The following SEC14L2 variants were observed in gnomAD, a reference collection of about 807,000 sequenced individuals.
SEC14L2 encodes SEC14 like lipid binding 2, also known as SEC14-like protein 2.
In SEC14L2, 50 loss-of-function variants were observed where a neutral mutation model predicts 56.9. That is an observed-to-expected ratio of 0.88 (90% CI 0.70 to 1.11). The LOEUF (loss-of-function observed/expected upper bound fraction) is 1.11. SEC14L2 is among the 50% of genes most tolerant of loss of function. SEC14L2 has a pLI of 0.00. For missense variants in SEC14L2, 414 were observed against 500.7 expected, an observed-to-expected ratio of 0.83 and a Z score of 1.65; for synonymous variants, 179 against 188.5, an observed-to-expected ratio of 0.95 and a Z score of 0.41.
chr22:30,421,386 C>T (rs1345529645), intron 11 of SEC14L2: 1 of 152,228 alleles, frequency 6.6e-6, no homozygotes, highest in Non-Finnish European at 1.5e-5. Flanking sequence ...AAAAAAGTTA[C>T]AAACTGTTTA....
intron 8 of SEC14L2, among the ~76,000 whole-genome samples, chr22:30,411,367 T>A (rs1278201282): frequency 6.6e-6 from 1 of 152,006 alleles, no homozygotes; most frequent in African/African-American, 2.4e-5. Context: ...TTGCTTTCAG[T>A]TGGGGAAAAC....
At chr22:30,407,261 C>G in intron 4 of SEC14L2, 107 bp downstream of exon 4, 1 of 1,452,572 alleles carries the variant, frequency 6.9e-7, no homozygotes, top group Non-Finnish European at 9.6e-7. Flanking sequence ...TCTGACAATG[C>G]CCACTGAGCC....
In SEC14L2 at chr22:30,407,537, C is replaced by T. The variant is rs1934130617; in HGVS notation, c.357C>T (p.Asp119=). The change falls in exon 5 of 12, where the codon GAC becomes GAT. Residue 119 remains aspartate, a synonymous_variant. Transcript: ENST00000615189. The part of the protein sequence containing the change: ...KGLLFSASKQ[D]LLRTKMRECE... ...TGCTGTTCTCAGCCTCCAAACAGGA[C>T]CTGCTGAGGACCAAGATGCGGGAGT... is the stretch of plus-strand genomic sequence containing the variant. The T allele has an allele frequency of 6.2e-7, 1 of 1,613,996 alleles. No homozygotes were observed. Among genetic ancestry groups the T allele is most frequent in the African/African-American group, 1.3e-5 (1 of 74,902 alleles).
intron 2 of SEC14L2, among the ~76,000 whole-genome samples, chr22:30,405,200 C>T (rs1383586015): frequency 1.3e-5 from 2 of 152,092 alleles, no homozygotes; most frequent in Non-Finnish European, 2.9e-5. Context: ...TTTGCATGGA[C>T]TTCAGACCAA....
intron 1 of SEC14L2, 26 bp downstream of exon 1, chr22:30,397,196 C>G (rs550992214): frequency 6.7e-7 from 1 of 1,503,592 alleles, no homozygotes; most frequent in African/African-American, 1.4e-5. Context: ...GGCCCGGGCT[C>G]CCGCCTCGGG....
rs553882012 is a variant in SEC14L2, at chr22:30,423,666, G to C, written c.*1259G>C. 2.0e-5 allele frequency: 3 copies of C among 152,436 alleles called. No individual in the cohort carries two copies. Among genetic ancestry groups the C allele is most frequent in the Admixed American group, 6.5e-5 (1 of 15,292 alleles). The allele number at this position is 152,436 out of a possible 1,614,324, so 9.4% of individuals were successfully genotyped here. Reference sequence around the variant, plus strand: ...TCCCTCAGAGCCAGGCCCCGGCCCCGTCTGGGAAGCTCATCTTGCGAAGCT... The same window carrying C: ...TCCCTCAGAGCCAGGCCCCGGCCCCCTCTGGGAAGCTCATCTTGCGAAGCT... On this transcript the variant is annotated 3_prime_UTR_variant, in exon 12 of 12. Transcript: ENST00000615189.
chr22:30,407,394 C>A, intron 4 of SEC14L2, 21 bp from the exon 5 acceptor site: 1 of 1,608,030 alleles, frequency 6.2e-7, no homozygotes. Flanking sequence ...GACCAGGTGG[C>A]TCCTCTGTGT....
intron 11 of SEC14L2, chr22:30,416,726 G>C (rs1055281356): frequency 1.2e-5 from 16 of 1,354,008 alleles, no homozygotes; most frequent in Non-Finnish European, 1.4e-5. Flanking sequence ...GATATTTCTT[G>C]GGGATGCTCC....
intron 11 of SEC14L2, among the ~76,000 whole-genome samples, chr22:30,418,802 C>CA (rs1254043415): frequency 6.6e-6 from 1 of 152,204 alleles, no homozygotes; most frequent in Non-Finnish European, 1.5e-5. Context: ...TGCGGGAGGG[C>CA]AATGCCCTTG....
intron 11 of SEC14L2, chr22:30,416,724 T>C: frequency 2.2e-6 from 3 of 1,356,128 alleles, no homozygotes; most frequent in Non-Finnish European, 2.8e-6. Flanking sequence ...CAGATATTTC[T>C]TGGGGATGCT....
Position 30,424,437 on chromosome 22 carries a change from G to A in SEC14L2, c.*2030G>A. On this transcript the variant is annotated 3_prime_UTR_variant, in exon 12 of 12. Transcript: ENST00000615189. ...CAGAGGCGCCTAGGGCTGAAAGCGG[G>A]GGCCTCCGTAGGGAGCCAGCGGGGG... The A allele has an allele frequency of 3.0e-6, 1 of 338,722 alleles. No homozygotes were observed. Among genetic ancestry groups the A allele is most frequent in the Non-Finnish European group, 5.8e-6 (1 of 172,908 alleles). 21.0% of individuals were successfully genotyped at this position (338,722 alleles called of 1,614,324 possible).
intron 3 of SEC14L2, among the ~76,000 whole-genome samples, chr22:30,406,753 AT>A (rs1934106008): frequency 6.6e-6 from 1 of 151,134 alleles, no homozygotes; most frequent in South Asian, 2.1e-4. Flanking sequence ...TTTCTTTTTT[AT>A]TTTTTTCTTT....
At chr22:30,408,412 C>CAA (rs1934157143) in intron 5 of SEC14L2, among the ~76,000 whole-genome samples, 1 of 151,970 alleles carries the variant, frequency 6.6e-6, no homozygotes, top group South Asian at 2.1e-4. Context: ...GGCAACATGG[C>CAA]AAGAGCCTGT....
intron 2 of SEC14L2, 54 bp downstream of exon 2, chr22:30,399,772 G>C (rs1933874251): frequency 2.0e-6 from 3 of 1,496,980 alleles, no homozygotes; most frequent in Non-Finnish European, 2.8e-6. Flanking sequence ...CTGGGCAACA[G>C]AATAGCACCC....
chr22:30,398,740 C>T (rs761630760), intron 1 of SEC14L2: 1 of 471,350 alleles, frequency 2.1e-6, no homozygotes, highest in South Asian at 1.5e-5. Context: ...CCCTCTGCTC[C>T]CCAGCAAACT....
intron 2 of SEC14L2, among the ~76,000 whole-genome samples, chr22:30,405,231 C>T (rs1481402587): frequency 6.6e-5 from 10 of 152,090 alleles, no homozygotes; most frequent in Non-Finnish European, 4.4e-5. Context: ...TTCGTAAAGT[C>T]TCTAAGGATG....
Position 30,422,710 on chromosome 22 carries a change from CAG to C in SEC14L2, c.*304_*305del, listed in dbSNP as rs1934553439. ...TGGGGGTGGCGGGGGGCATGTACCACAGGGTGGCAGCAGGGAAAAAAATTAGA... is the reference window on the plus strand; with the variant it reads ...TGGGGGTGGCGGGGGGCATGTACCACGGTGGCAGCAGGGAAAAAAATTAGA... On this transcript the variant is annotated 3_prime_UTR_variant, in exon 12 of 12. Coordinates refer to ENST00000615189, the MANE Select transcript of SEC14L2 (RefSeq NM_012429.5). 1.1e-5 allele frequency: 3 copies of C among 270,912 alleles called. No homozygotes were observed. In the Admixed American group the frequency reaches 1.5e-4, roughly 14 times the overall value. 16.8% of individuals were successfully genotyped at this position (270,912 alleles called of 1,614,324 possible).
chr22:30,417,564 G>GA (rs752474707), intron 11 of SEC14L2, among the ~76,000 whole-genome samples: 1 of 10,392 alleles, frequency 9.6e-5, no homozygotes, highest in Non-Finnish European at 1.7e-4. Context: ...CTGCTACACT[G>GA]GGGTATCTCA....
rs754799440 is a variant in SEC14L2 at position 30,407,534 on chromosome 22, G to T, written c.354G>T (p.Gln118His). 5.0e-6 allele frequency: 8 copies of T among 1,614,118 alleles called. No individual in the cohort carries two copies. The highest frequency in any genetic ancestry group is 6.8e-6 in the Non-Finnish European group (8 of 1,180,008). The change falls in exon 5 of 12, where the codon CAG (glutamine) becomes CAT (histidine). Residue 118 changes from glutamine (Q) to histidine (H), a missense_variant. Coordinates refer to ENST00000615189, the MANE Select transcript of SEC14L2 (RefSeq NM_012429.5). Reference protein sequence around the residue: ...AKGLLFSASKQDLLRTKMREC... With the variant: ...AKGLLFSASKHDLLRTKMREC... ...GTCTGCTGTTCTCAGCCTCCAAACA[G>T]GACCTGCTGAGGACCAAGATGCGGG...
Sources: allele counts gnomAD v4.1 joint callset (sites outside exome capture counted in the v4.1 genomes callset), GRCh38; gene constraint gnomAD v4.1.1; transcripts MANE v1.5; gene names NCBI Gene and HGNC (gene_info 2026-07-23, HGNC 2026-07-21).